ATIC: variants seen among roughly 807,000 people sequenced by gnomAD.
ATIC encodes 5-aminoimidazole-4-carboxamide ribonucleotide formyltransferase/IMP cyclohydrolase.
In ATIC, 64 loss-of-function variants were observed where a neutral mutation model predicts 72.5. That is an observed-to-expected ratio of 0.88 (90% confidence interval 0.72 to 1.09). ATIC has a LOEUF of 1.09. Among genes scored for constraint, ATIC ranks in the 50% least tolerant of loss-of-function variants. The probability of loss-of-function intolerance (pLI) is 0.00; values close to 1 mark genes in which losing one functional copy is unlikely to be tolerated. For missense variants in ATIC, 787 were observed against 732.4 expected, an observed-to-expected ratio of 1.07 and a Z score of -0.86; for synonymous variants, 281 against 267.1, an observed-to-expected ratio of 1.05 and a Z score of -0.51.
chr2:215,335,443 A>G (rs1210319083), intron 10 of ATIC, among the ~76,000 whole-genome samples: 2 of 152,194 alleles, frequency 1.3e-5, no homozygotes, highest in African/African-American at 4.8e-5. Flanking sequence ...TAGTAGGAAG[A>G]CAGGAAGAAA....
At chr2:215,346,341 A>T (rs1575125968) in intron 13 of ATIC, among the ~76,000 whole-genome samples, 1 of 151,756 alleles carries the variant, frequency 6.6e-6, no homozygotes, top group African/African-American at 2.4e-5. Context: ...TTTAATTCTT[A>T]TTTTTTGTAG....
At chr2:215,339,465 G>A (rs962181404) in intron 12 of ATIC, among the ~76,000 whole-genome samples, 5 of 152,100 alleles carry the variant, frequency 3.3e-5, no homozygotes, top group Non-Finnish European at 5.9e-5. Flanking sequence ...GCAGTGAGCC[G>A]TGTTTGTGCC....
At chr2:215,346,618 TTA>T in intron 13 of ATIC, 139 bp from the exon 14 acceptor site, 1 of 948,384 alleles carries the variant, frequency 1.1e-6, no homozygotes, top group Non-Finnish European at 1.7e-6. Context: ...GACTTAAAAA[TTA>T]TTTATATTTC....
chr2:215,365,061 T>C, the ATIC span: 5 of 931,828 alleles, frequency 5.4e-6, no homozygotes, highest in African/African-American at 6.4e-5. Flanking sequence ...GTGGGTTCTA[T>C]TTCTGTCCTA....
At chr2:215,365,840 C>T in the ATIC span, 2 of 237,090 alleles carry the variant, frequency 8.4e-6, no homozygotes, top group African/African-American at 4.7e-5. Context: ...AAGTCTTTCT[C>T]TGTCGCCCAG....
the ATIC span, among the ~76,000 whole-genome samples, chr2:215,359,721 A>G: frequency 6.9e-6 from 1 of 145,474 alleles, no homozygotes; most frequent in Admixed American, 7.2e-5. Context: ...AAATCAATTC[A>G]AATGGGAGTT....
At chr2:215,361,694 CG>C in the ATIC span, 2 of 1,260,222 alleles carry the variant, frequency 1.6e-6, no homozygotes, top group African/African-American at 1.5e-5. Flanking sequence ...AAAAAAAATG[CG>C]GGGAGGTGGG....
downstream of ATIC, among the ~76,000 whole-genome samples, chr2:215,352,000 A>G (rs917228271): frequency 6.6e-6 from 1 of 152,216 alleles, no homozygotes; most frequent in African/African-American, 2.4e-5. Context: ...GAAGGACTTT[A>G]CAAAATACCT....
chr2:215,330,393 A>C (rs2052877945), intron 7 of ATIC, among the ~76,000 whole-genome samples: 1 of 152,182 alleles, frequency 6.6e-6, no homozygotes. Context: ...TACAGAAAAA[A>C]TACACGGTGA....
the ATIC span, chr2:215,362,311 G>A: frequency 1.9e-6 from 1 of 534,314 alleles, no homozygotes; most frequent in Non-Finnish European, 3.4e-6. Flanking sequence ...TCTTTCTCCT[G>A]AAATGTCTCT....
the ATIC span, among the ~76,000 whole-genome samples, chr2:215,366,148 ATAT>A: frequency 2.0e-5 from 3 of 152,124 alleles, no homozygotes; most frequent in African/African-American, 7.2e-5. Flanking sequence ...GAATTTTAAA[ATAT>A]TATTTTTTAT....
chr2:215,312,673 G>T, intron 2 of ATIC, 49 bp downstream of exon 2: 1 of 1,613,728 alleles, frequency 6.2e-7, no homozygotes, highest in South Asian at 1.1e-5. Context: ...ACATTAACCA[G>T]GAAGTATTGT....
At chr2:215,319,998 A>T (rs1428901170) in intron 4 of ATIC, among the ~76,000 whole-genome samples, 2 of 152,144 alleles carry the variant, frequency 1.3e-5, no homozygotes, top group African/African-American at 4.8e-5. Context: ...AGTGTCTTGG[A>T]TTTCAGATTT....
the ATIC span, among the ~76,000 whole-genome samples, chr2:215,358,701 T>A: frequency 6.6e-6 from 1 of 152,268 alleles, no homozygotes; most frequent in Admixed American, 6.5e-5. Context: ...TAATTTGCTA[T>A]TCGTTTACTT....
At chr2:215,312,360 C>G in intron 1 of ATIC, 138 bp from the exon 2 acceptor site, 1 of 1,539,256 alleles carries the variant, frequency 6.5e-7, no homozygotes, top group Non-Finnish European at 8.9e-7. Flanking sequence ...CCTGGGGAGG[C>G]CCGGACCAGG....
chr2:215,365,690 A>C, the ATIC span: 1 of 1,569,742 alleles, frequency 6.4e-7, no homozygotes. Context: ...CTCACAAGAC[A>C]GTAGGTGAAC....
At chr2:215,333,835 G>A (rs1045715752) in intron 9 of ATIC, among the ~76,000 whole-genome samples, 1 of 151,992 alleles carries the variant, frequency 6.6e-6, no homozygotes, top group African/African-American at 2.4e-5. Context: ...GAGGTCAGGA[G>A]ATCGAGACCA....
At chr2:215,312,890 A>G (rs907310570) in intron 2 of ATIC, among the ~76,000 whole-genome samples, 1 of 152,100 alleles carries the variant, frequency 6.6e-6, no homozygotes, top group Non-Finnish European at 1.5e-5. Context: ...CTTACGGTCA[A>G]GAGTTCGAGA....
At chr2:215,336,269 A>G (rs1397305776) in intron 11 of ATIC, 145 bp downstream of exon 11, 2 of 692,340 alleles carry the variant, frequency 2.9e-6, no homozygotes, top group Non-Finnish European at 4.9e-6. Flanking sequence ...TTAAAAAAAT[A>G]CTATTAACTT....
Sources: allele counts gnomAD v4.1 joint callset (sites outside exome capture counted in the v4.1 genomes callset), GRCh38; gene constraint gnomAD v4.1.1; transcripts MANE v1.5; gene names NCBI Gene and HGNC (gene_info 2026-07-23, HGNC 2026-07-21).